INAVA: variants seen among roughly 807,000 people sequenced by gnomAD.
INAVA encodes innate immunity activator protein.
Under a neutral mutation model 55.3 loss-of-function variants are expected in INAVA, and 32 were observed. The observed-to-expected ratio is 0.58, with a 90% confidence interval of 0.44 to 0.78. The LOEUF (loss-of-function observed/expected upper bound fraction) is 0.78. Among genes scored for constraint, INAVA ranks in the 30% least tolerant of loss-of-function variants. INAVA has a pLI of 0.00. For missense variants in INAVA, 756 were observed against 786.4 expected (o/e 0.96, Z 0.46); for synonymous variants, 294 against 329.4 (o/e 0.89, Z 1.16).
In INAVA at chr1:200,911,945, C is replaced by T; in HGVS notation, c.1452C>T (p.Pro484=). 1 of 1,550,966 alleles carries T rather than the reference C, an allele frequency of 6.4e-7. No individual in the cohort carries two copies. Among genetic ancestry groups the T allele is most frequent in the Middle Eastern group, 2.1e-4 (1 of 4,784 alleles). Reference sequence around the variant, plus strand: ...CCCGCAGCCGCATCGTGCGGACGCCCTCCCTGAAGGACAGCCCGGCAGGCC... The same window carrying T: ...CCCGCAGCCGCATCGTGCGGACGCCTTCCCTGAAGGACAGCCCGGCAGGCC... The part of the protein sequence containing the change: ...VPSRSRIVRT[P]SLKDSPAGRG... Residue 484 remains proline (P), a synonymous_variant, in exon 9 of 10, where the codon CCC becomes CCT. Transcript: ENST00000413687.
chr1:200,909,429 A>C (rs560440123), intron 8 of INAVA, 32 bp downstream of exon 8: 4 of 1,527,198 alleles, frequency 2.6e-6, no homozygotes, highest in African/African-American at 2.7e-5. Flanking sequence ...GAGATGGGGG[A>C]CCCACTTAGA....
At chr1:200,900,019 G>T in intron 3 of INAVA, 85 bp from the exon 4 acceptor site, 1 of 1,166,730 alleles carries the variant, frequency 8.6e-7, no homozygotes, top group Non-Finnish European at 1.2e-6. Context: ...GGCTTCTATG[G>T]AAGGCAGGCA....
intron 9 of INAVA, 127 bp downstream of exon 9, chr1:200,912,264 C>A: frequency 1.1e-6 from 1 of 932,946 alleles, no homozygotes; most frequent in Non-Finnish European, 1.6e-6. Context: ...GGGTAATCCC[C>A]GTCTAGGAAG....
At chr1:200,896,545 T>TA (rs905526869) in intron 1 of INAVA, among the ~76,000 whole-genome samples, 1 of 152,038 alleles carries the variant, frequency 6.6e-6, no homozygotes, top group Non-Finnish European at 1.5e-5. Context: ...CCCATAAAGT[T>TA]AAAAAAAATA....
chr1:200,903,377 G>A (rs1221853593), intron 5 of INAVA, among the ~76,000 whole-genome samples: 4 of 152,014 alleles, frequency 2.6e-5, no homozygotes, highest in Non-Finnish European at 2.9e-5. Context: ...CCAGCTACTC[G>A]GGAGGCTGAG....
chr1:200,909,091 G>C (rs1226607707), intron 7 of INAVA, 133 bp from the exon 8 acceptor site: 1 of 1,300,710 alleles, frequency 7.7e-7, no homozygotes, highest in Non-Finnish European at 1.0e-6. Flanking sequence ...AGCCTTGATA[G>C]TTCCCCAAGG....
intron 9 of INAVA, among the ~76,000 whole-genome samples, chr1:200,913,285 A>G (rs1330463683): frequency 6.6e-6 from 1 of 152,222 alleles, no homozygotes; most frequent in Non-Finnish European, 1.5e-5. Context: ...AAGTGAGCCC[A>G]GGAAAGGTGG....
chr1:200,899,601 A>T lies in INAVA; in HGVS notation c.180+4A>T. 1.2e-6 allele frequency: 2 copies of T among 1,611,588 alleles called. No individual in the cohort carries two copies. The highest frequency in any genetic ancestry group is 8.5e-7 in the Non-Finnish European group (1 of 1,179,440). ...GAGACTCTGCCTTCGGGAAGCGGTG[A>T]GGCCCCAGCCAGCACACACAAGCAT... On this transcript the variant is annotated splice_donor_region_variant and intron_variant, in intron 3 of 9. Coordinates refer to ENST00000413687, the MANE Select transcript of INAVA (RefSeq NM_001142569.3).
At chr1:200,911,068 G>C (rs1699296) in intron 8 of INAVA, among the ~76,000 whole-genome samples, 932 of 52,790 alleles carry the variant, frequency 0.018, 16 homozygotes, top group Middle Eastern at 0.042. Context: ...AAAAAAAGTA[G>C]TTAATGTAGT....
At position 200,911,819 on chromosome 1, in the gene INAVA, G is replaced by T. The variant is rs527499931; in HGVS notation, c.1326G>T (p.Glu442Asp). 1.2e-6 allele frequency: 2 copies of T among 1,605,206 alleles called. No homozygotes were observed. The highest frequency in any genetic ancestry group is 4.5e-5 in the East Asian group (2 of 44,660). ...CGGGGCGGTACGTGGTGGTGGCTGA[G>T]AGCCCCCTGCCGCCTGGCGAGTGGG... is the stretch of plus-strand genomic sequence containing the variant. ...FPAGRYVVVA[E>D]SPLPPGEWEL... Residue 442 changes from glutamate to aspartate, a missense_variant, in exon 9 of 10, where the codon GAG (glutamate) becomes GAT (aspartate). By Grantham distance (45) the Glu-to-Asp change is conservative. Around this residue, in one of 2 missense-constraint regions of INAVA, gnomAD observed 639 missense variants for 624.3 expected, o/e 1.02. Coordinates refer to ENST00000413687, the MANE Select transcript of INAVA (RefSeq NM_001142569.3).
intron 2 of INAVA, among the ~76,000 whole-genome samples, chr1:200,899,189 G>C (rs534817849): frequency 2.6e-3 from 391 of 151,998 alleles, no homozygotes; most frequent in African/African-American, 8.7e-3. Context: ...GGAGTGGGGG[G>C]AGGACTGCAC....
upstream of INAVA, among the ~76,000 whole-genome samples, chr1:200,894,446 C>T (rs192323518): frequency 6.4e-4 from 97 of 152,290 alleles, 1 homozygote; most frequent in Admixed American, 1.6e-3. Context: ...GAGATAAAAC[C>T]CAGGCCTTGG....
chr1:200,897,806 T>C (rs1653010380), intron 1 of INAVA, among the ~76,000 whole-genome samples: 3 of 152,130 alleles, frequency 2.0e-5, no homozygotes, highest in African/African-American at 7.2e-5. Context: ...AGTTTCATTT[T>C]GGAGAGATGG....
At chr1:200,901,223 A>G in intron 5 of INAVA, 64 bp downstream of exon 5, 3 of 1,401,342 alleles carry the variant, frequency 2.1e-6, no homozygotes, top group Non-Finnish European at 2.8e-6. Context: ...TGGTGGGCGC[A>G]CAGCCCCGTG....
intron 7 of INAVA, 129 bp from the exon 8 acceptor site, chr1:200,909,095 C>T: frequency 7.7e-7 from 1 of 1,305,598 alleles, no homozygotes; most frequent in Non-Finnish European, 1.0e-6. Flanking sequence ...TTGATAGTTC[C>T]CCAAGGGTGC....
chr1:200,900,218 G>C lies in INAVA; in HGVS notation c.295G>C (p.Glu99Gln). 1 of 1,613,622 alleles carries C rather than the reference G, an allele frequency of 6.2e-7. No individual in the cohort carries two copies. ...YKLDDWALHR[E>Q]DPLSSLERQL... ...ACTGGATGACTGGGCCTTGCACAGA[G>C]AGGTGAGGAACCTCAGGAAGCTGCC... Residue 99 changes from glutamate to glutamine, a missense_variant and splice_region_variant, in exon 4 of 10, where the codon GAG becomes CAG. Physicochemically the swap from Glu to Gln is conservative, Grantham distance 29. This residue lies in a region of INAVA where 639 missense variants were observed against 624.3 expected (regional missense o/e 1.02). Transcript: ENST00000413687.
chr1:200,909,446 C>T (rs779292890), intron 8 of INAVA, 49 bp downstream of exon 8: 11 of 1,417,194 alleles, frequency 7.8e-6, no homozygotes, highest in Admixed American at 2.4e-5. Flanking sequence ...TAGAGCTTAT[C>T]GTTGGAGGGT....
intron 5 of INAVA, among the ~76,000 whole-genome samples, chr1:200,905,429 A>G (rs1000326230): frequency 6.6e-6 from 1 of 152,100 alleles, no homozygotes; most frequent in Non-Finnish European, 1.5e-5. Context: ...GTGGACACCT[A>G]TAGTCCCAGC....
chr1:200,898,473 T>C lies in INAVA; in HGVS notation c.55+18T>C, dbSNP rs1484478558. 2 of 1,612,410 alleles carry C rather than the reference T, an allele frequency of 1.2e-6. No homozygotes were observed. The highest frequency in any genetic ancestry group is 2.7e-5 in the African/African-American group (2 of 74,700). ...GCAGTCTGGTGAGTGTTCAGGGAAA[T>C]CCCCCTGCCCTAGTCCCTAGTCCCT... On this transcript the variant is annotated intron_variant, in intron 2 of 9. Transcript: ENST00000413687.
Sources: gnomAD v4.1 joint callset for allele counts (sites outside exome capture counted in the v4.1 genomes callset) on GRCh38, gnomAD v4.1.1 for gene constraint, gnomAD v4.1.1 regional missense constraint, MANE v1.5 for transcripts, NCBI Gene and HGNC (gene_info 2026-07-23, HGNC 2026-07-21) for gene names.